The following SPAG9 variants were observed in gnomAD, a reference collection of about 807,000 sequenced individuals.
SPAG9 encodes the protein sperm associated antigen 9.
In SPAG9, 35 loss-of-function variants were observed where a neutral mutation model predicts 166.5. That is an observed-to-expected ratio of 0.21 (90% CI 0.16 to 0.28). SPAG9 has a LOEUF of 0.28. Among genes scored for constraint, SPAG9 ranks in the 10% least tolerant of loss-of-function variants. SPAG9 has a pLI of 1.00. For synonymous variants in SPAG9, 534 were observed against 565.5 expected (o/e 0.94, Z 0.79); for missense variants, 1,235 against 1,603.3 (o/e 0.77, Z 3.92).
intron 2 of SPAG9, among the ~76,000 whole-genome samples, chr17:51,067,773 A>G (rs941407251): frequency 8.5e-5 from 13 of 152,218 alleles, no homozygotes; most frequent in Non-Finnish European, 1.6e-4. Context: ...AGAAAAAAGA[A>G]CAATCAAAAG....
chr17:51,119,718 G>A (rs1026249294), intron 1 of SPAG9, among the ~76,000 whole-genome samples: 1 of 152,182 alleles, frequency 6.6e-6, no homozygotes, highest in Non-Finnish European at 1.5e-5. Flanking sequence ...CTGATACGGA[G>A]GAATGCTTTG....
In SPAG9 at chr17:51,041,393, G is replaced by A. The variant is rs2046833035; in HGVS notation, c.741+108C>T. On this transcript the variant is annotated intron_variant, in intron 5 of 29. Transcript: ENST00000262013. ...AAAAAACCAATTTTACAAACTAAAT[G>A]TATACAAACAATTACATTTTACTAT... 17 of 1,017,062 alleles carry A rather than the reference G, an allele frequency of 1.7e-5. No homozygotes were observed. In the South Asian group the frequency reaches 2.1e-4, roughly 12 times the overall value. 63.0% of individuals were successfully genotyped at this position (1,017,062 alleles called of 1,614,324 possible).
intron 1 of SPAG9, among the ~76,000 whole-genome samples, chr17:51,107,405 T>A (rs142258371): frequency 9.3e-5 from 14 of 151,058 alleles, no homozygotes; most frequent in African/African-American, 3.2e-4. Context: ...TTAATTAATT[T>A]AATTAAAACT....
chr17:50,993,799 C>T lies in SPAG9; in HGVS notation c.2363G>A (p.Cys788Tyr). ...PGNILDSFTV[C>Y]NSHVLCIASV... Reference sequence around the variant, plus strand: ...TGCAATGCACAGAACATGAGAGTTGCAAACAGTGAAACTGTCTAGGATGTT... The same window carrying T: ...TGCAATGCACAGAACATGAGAGTTGTAAACAGTGAAACTGTCTAGGATGTT... Residue 788 changes from cysteine to tyrosine, a missense_variant, in exon 19 of 30, where the codon TGC (cysteine) becomes TAC (tyrosine). Coordinates refer to ENST00000262013, the MANE Select transcript of SPAG9 (RefSeq NM_001130528.3). The T allele has an allele frequency of 6.2e-7, 1 of 1,614,110 alleles. No individual in the cohort carries two copies. The highest frequency in any genetic ancestry group is 8.5e-7 in the Non-Finnish European group (1 of 1,180,010).
intron 25 of SPAG9, among the ~76,000 whole-genome samples, chr17:50,981,700 C>T (rs183501702): frequency 3.9e-4 from 57 of 145,176 alleles, no homozygotes; most frequent in African/African-American, 1.4e-3. Flanking sequence ...AATTAGAATG[C>T]ATTTATGTAT....
At chr17:51,035,859 C>G (rs956871074) in intron 5 of SPAG9, among the ~76,000 whole-genome samples, 1 of 152,158 alleles carries the variant, frequency 6.6e-6, no homozygotes, top group African/African-American at 2.4e-5. Context: ...GAAAAAAATA[C>G]TTTTTTGGAG....
intron 29 of SPAG9, among the ~76,000 whole-genome samples, chr17:50,967,192 C>T (rs1366474427): frequency 1.3e-5 from 2 of 152,204 alleles, no homozygotes; most frequent in Non-Finnish European, 2.9e-5. Flanking sequence ...TCAATTGTAT[C>T]TGTTGTCACA....
chr17:51,032,447 A>G (rs1242969745), intron 5 of SPAG9, among the ~76,000 whole-genome samples: 1 of 152,156 alleles, frequency 6.6e-6, no homozygotes, highest in East Asian at 1.9e-4. Flanking sequence ...TACAGGCATG[A>G]GCCATGTGCC....
At chr17:51,046,605 A>G (rs1295086856) in intron 4 of SPAG9, 23 of 1,535,908 alleles carry the variant, frequency 1.5e-5, no homozygotes, top group African/African-American at 8.2e-5. Flanking sequence ...AGAATTAATG[A>G]CCACCGCCCC....
chr17:51,028,081 T>A (rs55768046), intron 6 of SPAG9, among the ~76,000 whole-genome samples: 53,307 of 149,754 alleles, frequency 0.36, 11,731 homozygotes, highest in African/African-American at 0.63. Flanking sequence ...AAAAAAAAAA[T>A]TTTTTTTAAA....
chr17:51,119,927 C>A (rs897088242), intron 1 of SPAG9, among the ~76,000 whole-genome samples: 22 of 152,186 alleles, frequency 1.4e-4, no homozygotes, highest in Non-Finnish European at 2.8e-4. Context: ...TGGAAAGGTA[C>A]TGGAACTAGC....
At chr17:51,084,519 T>C (rs2048254617) in intron 1 of SPAG9, among the ~76,000 whole-genome samples, 1 of 152,112 alleles carries the variant, frequency 6.6e-6, no homozygotes, top group Non-Finnish European at 1.5e-5. Flanking sequence ...GCAATACTCC[T>C]GCCTCAGCCT....
chr17:51,120,303 G>C lies in SPAG9; in HGVS notation c.303+51C>G. The C allele has an allele frequency of 2.0e-4, 260 of 1,275,682 alleles. No homozygotes were observed. Among genetic ancestry groups the C allele is most frequent in the Non-Finnish European group, 2.4e-4 (230 of 955,744 alleles). 79.0% of individuals were successfully genotyped at this position (1,275,682 alleles called of 1,614,324 possible). On this transcript the variant is annotated intron_variant, in intron 1 of 29. Transcript: ENST00000262013. The surrounding 1 kb of genome is among the most constrained non-coding windows in gnomAD (Gnocchi z 4.7). Reference sequence around the variant, plus strand: ...CCCGACCGGGCCGCGACCCCGCCCCGGCCGCCCCCGGAGACGGATCCCGCG... The same window carrying C: ...CCCGACCGGGCCGCGACCCCGCCCCCGCCGCCCCCGGAGACGGATCCCGCG...
Position 50,964,742 on chromosome 17 carries a change from A to C in SPAG9, c.*1530T>G. 2.2e-6 allele frequency: 1 copy of C among 453,056 alleles called. No individual in the cohort carries two copies. Among genetic ancestry groups the C allele is most frequent in the Non-Finnish European group, 4.4e-6 (1 of 225,392 alleles). 28.1% of individuals were successfully genotyped at this position (453,056 alleles called of 1,614,324 possible). On this transcript the variant is annotated 3_prime_UTR_variant, in exon 30 of 30. Coordinates refer to ENST00000262013, the MANE Select transcript of SPAG9 (RefSeq NM_001130528.3). ...AGAAAATCAGTGAAATCCAGACTTT[A>C]ATCTATTTTTTGCTTGTTTGTCTGT... is the stretch of plus-strand genomic sequence containing the variant.
rs2049438662 is a variant in SPAG9, at chr17:51,120,267, C to T, written c.303+87G>A. The T allele has an allele frequency of 1.7e-6, 2 of 1,199,358 alleles. No homozygotes were observed. Among genetic ancestry groups the T allele is most frequent in the East Asian group, 2.8e-5 (1 of 35,274 alleles). The allele number at this position is 1,199,358 out of a possible 1,614,324, so 74.3% of individuals were successfully genotyped here. ...GGCCCGCCCTCCAGGAGGCCCGTCGCGCCTCTAGTCCCCGACCGGGCCGCG... is the reference window on the plus strand; with the variant it reads ...GGCCCGCCCTCCAGGAGGCCCGTCGTGCCTCTAGTCCCCGACCGGGCCGCG... On this transcript the variant is annotated intron_variant, in intron 1 of 29. Transcript: ENST00000262013. This position sits in a 1 kb window ranked among gnomAD's most constrained non-coding sequence, Gnocchi z 4.7.
At chr17:51,109,806 G>C (rs1354630482) in intron 1 of SPAG9, among the ~76,000 whole-genome samples, 6 of 151,852 alleles carry the variant, frequency 4.0e-5, no homozygotes, top group Admixed American at 3.9e-4. Flanking sequence ...TGACTTCCTA[G>C]GCTGGTGCGA....
intron 2 of SPAG9, among the ~76,000 whole-genome samples, chr17:51,075,883 C>T (rs2047955660): frequency 6.6e-6 from 1 of 151,044 alleles, no homozygotes; most frequent in African/African-American, 2.4e-5. Context: ...ATCACGAGGT[C>T]AGGAGATTGA....
chr17:51,018,331 T>C (rs1180383303), intron 8 of SPAG9, among the ~76,000 whole-genome samples: 1 of 151,068 alleles, frequency 6.6e-6, no homozygotes, highest in Non-Finnish European at 1.5e-5. Context: ...CACCACTGCA[T>C]CCAGCCTAGG....
intron 6 of SPAG9, among the ~76,000 whole-genome samples, chr17:51,025,914 A>T (rs994038081): frequency 6.6e-6 from 1 of 152,226 alleles, no homozygotes; most frequent in African/African-American, 2.4e-5. Context: ...ACATTAAAAA[A>T]TATAAAATAA....
Sources: gnomAD v4.1 joint callset for allele counts (sites outside exome capture counted in the v4.1 genomes callset) on GRCh38, gnomAD v4.1.1 for gene constraint, Gnocchi (gnomAD v3.1) non-coding constraint, MANE v1.5 for transcripts, NCBI Gene and HGNC (gene_info 2026-07-23, HGNC 2026-07-21) for gene names.